GUCY1A2: variants seen among roughly 807,000 people sequenced by gnomAD.
The protein encoded by GUCY1A2 is guanylate cyclase soluble subunit alpha-2.
A neutral mutation model predicts 63.5 loss-of-function variants in GUCY1A2; 27 were observed. The observed-to-expected ratio is 0.43, with a 90% CI of 0.31 to 0.59. GUCY1A2 has a LOEUF of 0.59. Among genes scored for constraint, GUCY1A2 ranks in the 20% least tolerant of loss-of-function variants. The pLI is 0.11. For synonymous variants in GUCY1A2, 364 were observed against 343.5 expected (o/e 1.06, Z -0.66); for missense variants, 768 against 913.3 (o/e 0.84, Z 2.05).
intron 4 of GUCY1A2, among the ~76,000 whole-genome samples, chr11:106,854,575 C>T (rs1017370910): frequency 3.3e-5 from 5 of 152,112 alleles, no homozygotes; most frequent in African/African-American, 4.8e-5. Context: ...GTAAGGCGGA[C>T]GAACCCTCAG....
chr11:107,011,839 G>T (rs1293102058), intron 1 of GUCY1A2, among the ~76,000 whole-genome samples: 1 of 150,584 alleles, frequency 6.6e-6, no homozygotes, highest in African/African-American at 2.4e-5. Context: ...AGCCAAACAA[G>T]AAGGCAGCAC....
At chr11:106,742,834 T>A (rs2135379797) in intron 6 of GUCY1A2, among the ~76,000 whole-genome samples, 1 of 152,282 alleles carries the variant, frequency 6.6e-6, no homozygotes, top group East Asian at 1.9e-4. Flanking sequence ...ATGGATGAAT[T>A]TTCAATGAGT....
At chr11:106,689,334 A>C (rs942829443) in intron 7 of GUCY1A2, among the ~76,000 whole-genome samples, 31 of 152,308 alleles carry the variant, frequency 2.0e-4, no homozygotes, top group African/African-American at 6.7e-4. Context: ...GTTAAAAAAA[A>C]CCACAAAATG....
chr11:106,765,663 A>C (rs1864149916), intron 6 of GUCY1A2, among the ~76,000 whole-genome samples: 2 of 152,124 alleles, frequency 1.3e-5, no homozygotes, highest in African/African-American at 4.8e-5. Context: ...GGGACACCCC[A>C]TGCATACTCC....
Position 106,986,137 on chromosome 11 carries a change from GAAT to G in GUCY1A2, c.304-9_304-7del, listed in dbSNP as rs755453672. 618 of 1,349,646 alleles carry G rather than the reference GAAT, an allele frequency of 4.6e-4. No homozygotes were observed. Among genetic ancestry groups the G allele is most frequent in the Non-Finnish European group, 5.5e-4 (515 of 940,426 alleles). 83.6% of individuals were successfully genotyped at this position (1,349,646 alleles called of 1,614,324 possible). A position where few individuals can be genotyped will look rare whatever the true frequency, so the allele number is the denominator to read the frequency against. The stretch of plus-strand genomic sequence containing the variant: ...GTCTGCTGTATCGTCTGAGGCTACA[GAAT>G]AATAATAATAATAAAAACATATTAT... On this transcript the variant is annotated splice_polypyrimidine_tract_variant and splice_region_variant and intron_variant, in intron 1 of 7. Transcript: ENST00000526355.
chr11:106,882,627 A>C (rs1445304992), intron 4 of GUCY1A2, among the ~76,000 whole-genome samples: 2 of 152,062 alleles, frequency 1.3e-5, no homozygotes, highest in Non-Finnish European at 2.9e-5. Flanking sequence ...CCATAAGAGA[A>C]GCTATCTGGA....
chr11:106,836,802 A>T (rs1222100179), intron 4 of GUCY1A2, among the ~76,000 whole-genome samples: 1 of 151,988 alleles, frequency 6.6e-6, no homozygotes, highest in Non-Finnish European at 1.5e-5. Flanking sequence ...TACAGTATGT[A>T]CTATAATCTT....
intron 7 of GUCY1A2, among the ~76,000 whole-genome samples, chr11:106,690,382 G>T (rs1267687021): frequency 6.6e-6 from 1 of 152,172 alleles, no homozygotes; most frequent in African/African-American, 2.4e-5. Flanking sequence ...CAACATGGAT[G>T]GAGCTGGAGG....
chr11:107,017,966 G>C lies in GUCY1A2; in HGVS notation c.90C>G (p.Pro30=), dbSNP rs759456282. Residue 30 remains proline (P), a synonymous_variant, in exon 1 of 8, where the codon CCC becomes CCG. Transcript: ENST00000526355. ...ETSPEEEGEC[P]LSRLCWNGSR... ...TGCCATTCCAGCAGAGCCTAGACAG[G>C]GGGCACTCCCCCTCCTCCTCCGGGC... 1 of 1,438,100 alleles carries C rather than the reference G, an allele frequency of 7.0e-7. No individual in the cohort carries two copies. Among genetic ancestry groups the C allele is most frequent in the East Asian group, 3.0e-5 (1 of 33,854 alleles). The allele number at this position is 1,438,100 out of a possible 1,614,324, so 89.1% of individuals were successfully genotyped here. A position where few individuals can be genotyped will look rare whatever the true frequency, so the allele number is the denominator to read the frequency against.
intron 2 of GUCY1A2, among the ~76,000 whole-genome samples, chr11:106,979,110 C>T (rs1464221444): frequency 1.3e-5 from 2 of 152,168 alleles, no homozygotes; most frequent in Admixed American, 6.5e-5. Context: ...GGTGTCCTGG[C>T]ATTCAATGGT....
At chr11:106,868,330 A>T (rs1395385817) in intron 4 of GUCY1A2, among the ~76,000 whole-genome samples, 4 of 152,070 alleles carry the variant, frequency 2.6e-5, no homozygotes, top group Non-Finnish European at 5.9e-5. Flanking sequence ...CTGTTTGCAG[A>T]TGACTTGATT....
At chr11:106,693,826 C>A (rs1351026275) in intron 7 of GUCY1A2, among the ~76,000 whole-genome samples, 1 of 151,928 alleles carries the variant, frequency 6.6e-6, no homozygotes, top group African/African-American at 2.4e-5. Context: ...TATTTTAAAT[C>A]TATGAGAATA....
chr11:107,000,183 G>A (rs1861594523), intron 1 of GUCY1A2, among the ~76,000 whole-genome samples: 1 of 152,178 alleles, frequency 6.6e-6, no homozygotes, highest in African/African-American at 2.4e-5. Flanking sequence ...GGTTTTCTTT[G>A]AAATGTGTTT....
Position 106,994,152 on chromosome 11 carries a change from T to G in GUCY1A2, c.304-8021A>C, listed in dbSNP as rs181778831. ...AATTGACCCATCTGGGGATTCAAAC[T>G]AATAACCTTTGCCTTATTAGAAGTA... On this transcript the variant is annotated intron_variant, in intron 1 of 7. Transcript: ENST00000526355. 5.7e-4 allele frequency among the ~76,000 whole-genome samples: 87 copies of G among 152,336 alleles called. 2 individuals are homozygous for G. In the Middle Eastern group the frequency reaches 0.017, roughly 30 times the overall value.
intron 4 of GUCY1A2, among the ~76,000 whole-genome samples, chr11:106,916,876 A>C (rs1483825547): frequency 6.9e-6 from 1 of 145,872 alleles, no homozygotes; most frequent in African/African-American, 2.4e-5. Flanking sequence ...TGATATAAAA[A>C]ATTAGAATGT....
intron 4 of GUCY1A2, among the ~76,000 whole-genome samples, chr11:106,839,001 T>C (rs1342740010): frequency 6.6e-6 from 1 of 152,142 alleles, no homozygotes; most frequent in Non-Finnish European, 1.5e-5. Flanking sequence ...TTTGTCAATT[T>C]TGGCTTTTGT....
chr11:106,694,074 T>A (rs1862673886), intron 7 of GUCY1A2, among the ~76,000 whole-genome samples: 1 of 152,208 alleles, frequency 6.6e-6, no homozygotes, highest in East Asian at 1.9e-4. Context: ...CCCTGACCAT[T>A]TCATTAGGGT....
intron 7 of GUCY1A2, among the ~76,000 whole-genome samples, chr11:106,701,343 A>G (rs1441335572): frequency 6.6e-6 from 1 of 152,132 alleles, no homozygotes; most frequent in African/African-American, 2.4e-5. Context: ...CAGACACTCC[A>G]AATAAACACG....
intron 1 of GUCY1A2, among the ~76,000 whole-genome samples, chr11:106,992,322 T>C (rs1591357269): frequency 6.8e-6 from 1 of 146,214 alleles, no homozygotes; most frequent in South Asian, 2.2e-4. Flanking sequence ...AAAAAGAATA[T>C]GTCTTTTTTT....
Sources: allele counts gnomAD v4.1 joint callset (sites outside exome capture counted in the v4.1 genomes callset), GRCh38; gene constraint gnomAD v4.1.1; transcripts MANE v1.5; gene names NCBI Gene and HGNC (gene_info 2026-07-23, HGNC 2026-07-21).